The following BRD3 variants were observed in gnomAD, a reference collection of about 807,000 sequenced individuals.
BRD3 encodes bromodomain-containing protein 3.
BRD3 carries 17 observed loss-of-function variants against 66.8 expected under a neutral mutation model. The ratio of observed to expected loss-of-function variants is 0.25; its 90% CI spans 0.17 to 0.38. BRD3 has a LOEUF of 0.38. Ranked by LOEUF, BRD3 falls within the 10% of genes least tolerant of loss-of-function variation. BRD3 has a pLI of 1.00. For missense variants in BRD3, 713 were observed against 956.1 expected, an observed-to-expected ratio of 0.75 and a Z score of 3.35; for synonymous variants, 421 against 393.2, an observed-to-expected ratio of 1.07 and a Z score of -0.84.
rs144734048 is a variant in BRD3 at position 134,038,316 on chromosome 9, G to A, written c.1643+1718C>T. 1.5e-3 allele frequency among the ~76,000 whole-genome samples: 223 copies of A among 152,092 alleles called. 1 individual carries two copies. Among genetic ancestry groups the A allele is most frequent in the Middle Eastern group, 3.4e-3 (1 of 294 alleles). ...ATTACAGGCGCCCGTCACCAAGCCC[G>A]GCCAATTTTTTCTGTTCTTAGTAGA... is the stretch of plus-strand genomic sequence containing the variant. On this transcript the variant is annotated intron_variant, in intron 9 of 11. Transcript: ENST00000303407.
At position 134,033,639 on chromosome 9, in the gene BRD3, C is replaced by A; in HGVS notation, c.2132G>T (p.Gly711Val). Residue 711 changes from glycine to valine, a missense_variant, in exon 12 of 12, where the codon GGG becomes GTG. Physicochemically the swap from Gly to Val is moderately radical, Grantham distance 109. This residue lies in a region of BRD3 where 42 missense variants were observed against 29.2 expected (regional missense o/e 1.44). Transcript: ENST00000303407. The surrounding 1 kb of genome is among the most constrained non-coding windows in gnomAD (Gnocchi z 5.1). ...RLSSSSSSES[G>V]SSSSSGSSSD... Reference sequence around the variant, plus strand: ...GCTGGACCCGCTGGAGCTGCTGCTCCCAGACTCGGAGGAGCTGCTGCTGCT... The same window carrying A: ...GCTGGACCCGCTGGAGCTGCTGCTCACAGACTCGGAGGAGCTGCTGCTGCT... The A allele has an allele frequency of 1.3e-6, 1 of 771,606 alleles. No homozygotes were observed. Among genetic ancestry groups the A allele is most frequent in the East Asian group, 2.4e-5 (1 of 41,058 alleles). 47.8% of individuals were successfully genotyped at this position (771,606 alleles called of 1,614,324 possible).
chr9:134,035,945 C>G (rs546977056), intron 10 of BRD3, 87 bp downstream of exon 10: 6 of 1,497,276 alleles, frequency 4.0e-6, no homozygotes, highest in Admixed American at 4.6e-5. Context: ...CCAAGCTCGC[C>G]GCACAGGGTC....
chr9:134,041,685 G>C, intron 8 of BRD3, 75 bp downstream of exon 8: 1 of 1,524,004 alleles, frequency 6.6e-7, no homozygotes, highest in Non-Finnish European at 8.8e-7. Context: ...ACCATGCAAA[G>C]GGACGGACCT....
chr9:134,038,082 AC>A (rs1223903790), intron 9 of BRD3, among the ~76,000 whole-genome samples: 1 of 152,216 alleles, frequency 6.6e-6, no homozygotes, highest in Non-Finnish European at 1.5e-5. Flanking sequence ...ATCCTACCAA[AC>A]ATTTAAGTAT....
chr9:134,065,232 G>C (rs1200073611), intron 1 of BRD3, among the ~76,000 whole-genome samples: 1 of 152,208 alleles, frequency 6.6e-6, no homozygotes, highest in African/African-American at 2.4e-5. Flanking sequence ...AGACCAGCCT[G>C]TCCAACACAG....
intron 1 of BRD3, chr9:134,057,109 C>G (rs1309667855): frequency 6.6e-6 from 1 of 152,266 alleles, no homozygotes; most frequent in Non-Finnish European, 1.5e-5. Flanking sequence ...CCGACCAGAG[C>G]CCATGCACCT....
chr9:134,042,714 CATATATACACATAT>C (rs1830083390), intron 7 of BRD3, among the ~76,000 whole-genome samples: 4 of 147,312 alleles, frequency 2.7e-5, no homozygotes, highest in Non-Finnish European at 4.5e-5. Context: ...TATATATACA[CATATATACACATAT>C]ATATACACAC....
intron 9 of BRD3, among the ~76,000 whole-genome samples, chr9:134,038,019 AT>A (rs1412020862): frequency 6.6e-6 from 1 of 152,252 alleles, no homozygotes; most frequent in Non-Finnish European, 1.5e-5. Flanking sequence ...TGAATTCATG[AT>A]TAAAAACCTT....
chr9:134,064,137 A>G (rs990941017), intron 1 of BRD3, among the ~76,000 whole-genome samples: 15 of 152,220 alleles, frequency 9.9e-5, no homozygotes, highest in Non-Finnish European at 1.6e-4. Flanking sequence ...CCACACGCAC[A>G]GGTCCTGGCT....
chr9:134,053,633 CG>C, intron 1 of BRD3, 43 bp from the exon 2 acceptor site: 2 of 1,426,504 alleles, frequency 1.4e-6, no homozygotes, highest in Non-Finnish European at 1.8e-6. Context: ...CCAGTCACCC[CG>C]GGGACCCCCA....
At chr9:134,046,678 CCT>C (rs1373718385) in intron 6 of BRD3, among the ~76,000 whole-genome samples, 1 of 152,220 alleles carries the variant, frequency 6.6e-6, no homozygotes, top group African/African-American at 2.4e-5. Context: ...GGTCCTGAGG[CCT>C]CTCTCCCTGA....
chr9:134,034,975 T>C (rs917355409), intron 10 of BRD3, 146 bp from the exon 11 acceptor site: 2 of 1,263,268 alleles, frequency 1.6e-6, no homozygotes, highest in East Asian at 2.3e-5. Context: ...AGCTGACAGA[T>C]GCAAAGCTGT....
rs542160628 is a variant in BRD3 at position 134,048,739 on chromosome 9, G to A, written c.715-285C>T. ...CTCTCCCTTAGCCCCGAGGGCTCAG[G>A]GGTCCCGGGTGGGCTCGCACCTCAC... On this transcript the variant is annotated intron_variant, in intron 5 of 11. Coordinates refer to ENST00000303407, the MANE Select transcript of BRD3 (RefSeq NM_007371.4). 3.9e-5 allele frequency among the ~76,000 whole-genome samples: 6 copies of A among 152,270 alleles called. No homozygotes were observed. In the East Asian group the frequency reaches 1.2e-3, roughly 29 times the overall value.
At position 134,033,286 on chromosome 9, in the gene BRD3, C is replaced by T; in HGVS notation, c.*304G>A. On this transcript the variant is annotated 3_prime_UTR_variant, in exon 12 of 12. Transcript: ENST00000303407. This position sits in a 1 kb window ranked among gnomAD's most constrained non-coding sequence, Gnocchi z 5.1. ...AGCAAAGGGATTCCACAAGGTTCTT[C>T]GGTACGAATCTCACACGGTTTTCTG... 4.7e-6 allele frequency: 2 copies of T among 426,762 alleles called. No individual in the cohort carries two copies. Among genetic ancestry groups the T allele is most frequent in the Non-Finnish European group, 8.2e-6 (2 of 242,588 alleles). 26.4% of individuals were successfully genotyped at this position (426,762 alleles called of 1,614,324 possible).
chr9:134,047,343 T>C (rs939055388), intron 6 of BRD3, among the ~76,000 whole-genome samples: 1 of 148,504 alleles, frequency 6.7e-6, no homozygotes, highest in African/African-American at 2.6e-5. Flanking sequence ...TGCACGTCCC[T>C]GGGAGCTGGC....
intron 8 of BRD3, 36 bp from the exon 9 acceptor site, chr9:134,040,305 A>G: frequency 6.4e-7 from 1 of 1,572,152 alleles, no homozygotes; most frequent in Non-Finnish European, 8.6e-7. Context: ...GGTGCTGGGC[A>G]CGGCCCACAC....
In BRD3 at chr9:134,031,844, G is replaced by A. The variant is rs778144461; in HGVS notation, c.*1746C>T. 3.6e-5 allele frequency: 8 copies of A among 222,124 alleles called. No individual in the cohort carries two copies. The highest frequency in any genetic ancestry group is 1.8e-4 in the South Asian group (1 of 5,454). 13.8% of individuals were successfully genotyped at this position (222,124 alleles called of 1,614,324 possible). A position where few individuals can be genotyped will look rare whatever the true frequency, so the allele number is the denominator to read the frequency against. ...ACCACACCACAGCTCCATACCCAGCGTCTGCCTGGAGGCTCCCCCACGCTG... is the reference window on the plus strand; with the variant it reads ...ACCACACCACAGCTCCATACCCAGCATCTGCCTGGAGGCTCCCCCACGCTG... On this transcript the variant is annotated 3_prime_UTR_variant, in exon 12 of 12. Coordinates refer to ENST00000303407, the MANE Select transcript of BRD3 (RefSeq NM_007371.4).
chr9:134,066,697 C>T (rs1476333549), intron 1 of BRD3, among the ~76,000 whole-genome samples: 1 of 152,244 alleles, frequency 6.6e-6, no homozygotes, highest in Non-Finnish European at 1.5e-5. Flanking sequence ...ACACACGAAG[C>T]TGCCTCTTGC....
chr9:134,050,708 CAGA>C, intron 4 of BRD3, 120 bp from the exon 5 acceptor site: 1 of 765,808 alleles, frequency 1.3e-6, no homozygotes, highest in South Asian at 1.7e-5. Context: ...GACCGCCGGC[CAGA>C]AGAACCCTCC....
Sources: gnomAD v4.1 joint callset for allele counts (sites outside exome capture counted in the v4.1 genomes callset) on GRCh38, gnomAD v4.1.1 for gene constraint, gnomAD v4.1.1 regional missense constraint, Gnocchi (gnomAD v3.1) non-coding constraint, MANE v1.5 for transcripts, NCBI Gene and HGNC (gene_info 2026-07-23, HGNC 2026-07-21) for gene names.